The following SLC4A7 variants were observed in gnomAD, a reference collection of about 807,000 sequenced individuals.
SLC4A7 encodes solute carrier family 4 member 7.
Under a neutral mutation model 137.6 loss-of-function variants are expected in SLC4A7, and 51 were observed. The observed-to-expected ratio is 0.37, with a 90% CI of 0.30 to 0.47. The LOEUF is 0.47. Ranked by LOEUF, SLC4A7 falls within the 20% of genes least tolerant of loss-of-function variation. The pLI is 1.00. For synonymous variants in SLC4A7, 542 were observed against 518.6 expected (o/e 1.05, Z -0.61); for missense variants, 1,247 against 1,525.4 (o/e 0.82, Z 3.04).
chr3:27,459,960 C>G (rs1219187136), intron 1 of SLC4A7, among the ~76,000 whole-genome samples: 1 of 139,770 alleles, frequency 7.2e-6, no homozygotes, highest in African/African-American at 2.6e-5. Context: ...TCTTCCACAT[C>G]TCAGTGTTAT....
chr3:27,458,549 C>A (rs1283378296), intron 1 of SLC4A7, among the ~76,000 whole-genome samples: 3 of 152,168 alleles, frequency 2.0e-5, no homozygotes, highest in Non-Finnish European at 4.4e-5. Flanking sequence ...TATTTGAAAT[C>A]TTCACCCTTG....
At chr3:27,392,608 T>G (rs899297062) in intron 20 of SLC4A7, among the ~76,000 whole-genome samples, 1 of 152,126 alleles carries the variant, frequency 6.6e-6, no homozygotes, top group Non-Finnish European at 1.5e-5. Context: ...GGCAGATCAC[T>G]TGCGGCCATA....
At chr3:27,386,593 T>C (rs1404996147) in intron 22 of SLC4A7, among the ~76,000 whole-genome samples, 1 of 152,134 alleles carries the variant, frequency 6.6e-6, no homozygotes, top group Admixed American at 6.5e-5. Flanking sequence ...TGTTTATGCA[T>C]TTATGAGTTC....
At chr3:27,377,539 T>C (rs1327376728) in intron 25 of SLC4A7, among the ~76,000 whole-genome samples, 1 of 152,098 alleles carries the variant, frequency 6.6e-6, no homozygotes, top group Non-Finnish European at 1.5e-5. Context: ...ATTACAGGCA[T>C]GCACCACCAT....
intron 1 of SLC4A7, among the ~76,000 whole-genome samples, chr3:27,458,672 G>A (rs1055110961): frequency 1.3e-5 from 2 of 152,114 alleles, no homozygotes; most frequent in Admixed American, 6.6e-5. Flanking sequence ...AAGCCCCAAA[G>A]AACATCTGCA....
chr3:27,401,155 G>A (rs997445451), intron 15 of SLC4A7: 27 of 240,586 alleles, frequency 1.1e-4, no homozygotes, highest in Admixed American at 3.8e-4. Context: ...ATTCCACCAT[G>A]TTTAGCAAGA....
chr3:27,472,770 A>C (rs2150712602), intron 1 of SLC4A7, among the ~76,000 whole-genome samples: 1 of 152,276 alleles, frequency 6.6e-6, no homozygotes, highest in Non-Finnish European at 1.5e-5. Context: ...CCTCTATCAA[A>C]ATTCCTTTTC....
At position 27,373,267 on chromosome 3, in the gene SLC4A7, T is replaced by C. The variant is rs1576006487; in HGVS notation, c.*3497A>G. ...CATTTCCAACTATGTTTTCCTATAA[T>C]TGACATTTAATGTTAGTTTTTGAAA... On this transcript the variant is annotated 3_prime_UTR_variant, in exon 26 of 26. Coordinates refer to ENST00000454389, the MANE Select transcript of SLC4A7 (RefSeq NM_001321103.2). 1 of 152,126 alleles carries C rather than the reference T, an allele frequency of 6.6e-6. No homozygotes were observed. The highest frequency in any genetic ancestry group is 6.5e-5 in the Admixed American group (1 of 15,282). 9.4% of individuals were successfully genotyped at this position (152,126 alleles called of 1,614,324 possible).
chr3:27,392,240 G>A (rs371007271), intron 20 of SLC4A7, among the ~76,000 whole-genome samples: 10 of 152,252 alleles, frequency 6.6e-5, no homozygotes, highest in Non-Finnish European at 8.8e-5. Context: ...AGCCTTTACT[G>A]AATATAGTAA....
intron 5 of SLC4A7, 65 bp downstream of exon 5, chr3:27,436,320 AGTT>A: frequency 8.5e-7 from 1 of 1,182,176 alleles, no homozygotes; most frequent in South Asian, 1.4e-5. Flanking sequence ...CTCAGCATAT[AGTT>A]GTTAAATGAA....
At chr3:27,391,866 T>C in intron 20 of SLC4A7, 58 bp from the exon 21 acceptor site, 1 of 972,478 alleles carries the variant, frequency 1.0e-6, no homozygotes. Flanking sequence ...AAAAACATAA[T>C]CAGTGAGTAA....
intron 11 of SLC4A7, among the ~76,000 whole-genome samples, chr3:27,418,227 G>A (rs1344610291): frequency 2.0e-5 from 3 of 151,956 alleles, no homozygotes; most frequent in East Asian, 1.9e-4. Flanking sequence ...GGTACAGAAC[G>A]GTATATGCAA....
intron 2 of SLC4A7, 85 bp downstream of exon 2, chr3:27,452,332 C>A (rs1184281567): frequency 2.6e-5 from 22 of 835,830 alleles, no homozygotes; most frequent in Non-Finnish European, 4.1e-5. Flanking sequence ...TCAACAAATA[C>A]TAGGTAAAAC....
In SLC4A7 at chr3:27,448,707, CGGT is replaced by C. The variant is rs768359351; in HGVS notation, c.230_232del (p.His77del). On this transcript the variant is annotated inframe_deletion, in exon 3 of 26. Coordinates refer to ENST00000454389, the MANE Select transcript of SLC4A7 (RefSeq NM_001321103.2). ...ATCTGATTCTTTATCTTTTCTTCTC[CGGT>C]GGTGATGTTTGTGTCCGCGATGCCT... 1.5e-5 allele frequency: 24 copies of C among 1,612,330 alleles called. No individual in the cohort carries two copies. The highest frequency in any genetic ancestry group is 2.0e-5 in the Non-Finnish European group (24 of 1,178,956).
At chr3:27,379,940 T>G (rs890539361) in intron 24 of SLC4A7, among the ~76,000 whole-genome samples, 5 of 152,168 alleles carry the variant, frequency 3.3e-5, no homozygotes, top group Admixed American at 1.3e-4. Context: ...AATAGCCTCA[T>G]GAGTACCACT....
chr3:27,414,199 GA>G (rs987617339), intron 11 of SLC4A7, among the ~76,000 whole-genome samples: 29 of 152,286 alleles, frequency 1.9e-4, no homozygotes, highest in Admixed American at 1.6e-3. Context: ...AGAATCACCT[GA>G]ACCCGGGAGG....
rs2049910752 is a variant in SLC4A7 at position 27,376,573 on chromosome 3, C to G, written c.*191G>C. 2.6e-6 allele frequency: 1 copy of G among 378,164 alleles called. No homozygotes were observed. Among genetic ancestry groups the G allele is most frequent in the African/African-American group, 2.1e-5 (1 of 47,518 alleles). 23.4% of individuals were successfully genotyped at this position (378,164 alleles called of 1,614,324 possible). A position where few individuals can be genotyped will look rare whatever the true frequency, so the allele number is the denominator to read the frequency against. Reference sequence around the variant, plus strand: ...ATTTGAATAGTTAAGAACCATGTACCTCACTTCAAAGAGAGCATTTCATTA... The same window carrying G: ...ATTTGAATAGTTAAGAACCATGTACGTCACTTCAAAGAGAGCATTTCATTA... On this transcript the variant is annotated 3_prime_UTR_variant, in exon 26 of 26. Coordinates refer to ENST00000454389, the MANE Select transcript of SLC4A7 (RefSeq NM_001321103.2).
At chr3:27,484,021 C>G (rs1367137772) in intron 1 of SLC4A7, 46 bp downstream of exon 1, 23 of 1,342,042 alleles carry the variant, frequency 1.7e-5, no homozygotes, top group Non-Finnish European at 2.1e-5. Context: ...TGCCTCGCCC[C>G]GCGCCCTCCC....
In SLC4A7 at chr3:27,431,499, T is replaced by C; in HGVS notation, c.949A>G (p.Asn317Asp). 2 of 1,614,016 alleles carry C rather than the reference T, an allele frequency of 1.2e-6. No homozygotes were observed. The highest frequency in any genetic ancestry group is 1.7e-6 in the Non-Finnish European group (2 of 1,179,986). The change falls in exon 7 of 26, where the codon AAC becomes GAC. Residue 317 changes from asparagine to aspartate, a missense_variant. By Grantham distance (23) the Asn-to-Asp change is conservative (BLOSUM62 1). Around this residue, in one of 6 missense-constraint regions of SLC4A7, gnomAD observed 223 missense variants for 203.6 expected, o/e 1.10. Coordinates refer to ENST00000454389, the MANE Select transcript of SLC4A7 (RefSeq NM_001321103.2). ...RCTTPVPTPQ[N>D]SPPSSPSISR... Reference sequence around the variant, plus strand: ...ATGCTAGGGCTAGAAGGAGGACTGTTTTGAGGGGTGGGTACTGGGGTTGTA... The same window carrying C: ...ATGCTAGGGCTAGAAGGAGGACTGTCTTGAGGGGTGGGTACTGGGGTTGTA...
Sources: gnomAD v4.1 joint callset for allele counts (sites outside exome capture counted in the v4.1 genomes callset) on GRCh38, gnomAD v4.1.1 for gene constraint, gnomAD v4.1.1 regional missense constraint, MANE v1.5 for transcripts, NCBI Gene and HGNC (gene_info 2026-07-23, HGNC 2026-07-21) for gene names.